PRKCA: variants seen among roughly 807,000 people sequenced by gnomAD.
PRKCA encodes the protein protein kinase C alpha.
In PRKCA, 27 loss-of-function variants were observed where a neutral mutation model predicts 87.0. The ratio of observed to expected loss-of-function variants is 0.31; its 90% CI spans 0.23 to 0.43. The LOEUF (loss-of-function observed/expected upper bound fraction) is 0.43. PRKCA is among the 20% of genes least tolerant of loss of function. PRKCA has a pLI of 1.00. For missense variants in PRKCA, 518 were observed against 852.3 expected (o/e 0.61, Z 4.88); for synonymous variants, 329 against 311.1 (o/e 1.06, Z -0.61).
At chr17:66,679,174 CTTTTTT>C (rs10714678) in intron 5 of PRKCA, among the ~76,000 whole-genome samples, 3 of 121,054 alleles carry the variant, frequency 2.5e-5, no homozygotes, top group African/African-American at 9.5e-5. Context: ...ACACTCACAC[CTTTTTT>C]TTTTTTTTTT....
intron 3 of PRKCA, among the ~76,000 whole-genome samples, chr17:66,563,160 C>T (rs778087584): frequency 1.1e-4 from 16 of 152,092 alleles, no homozygotes; most frequent in Non-Finnish European, 2.2e-4. Context: ...TAGTGTGGTA[C>T]ATTTCTTACA....
chr17:66,336,646 TTATTAAACATTTGCCTATATAG>T (rs921005140), intron 2 of PRKCA, among the ~76,000 whole-genome samples: 1 of 131,980 alleles, frequency 7.6e-6, no homozygotes, highest in African/African-American at 4.0e-5. Flanking sequence ...ATATAGTAAA[TTATTAAACATTTGCCTATATAG>T]TAAATTATTA....
chr17:66,753,208 A>T (rs1974475223), intron 13 of PRKCA, among the ~76,000 whole-genome samples: 1 of 152,046 alleles, frequency 6.6e-6, no homozygotes, highest in Non-Finnish European at 1.5e-5. Context: ...GGCTCTCCTT[A>T]TAGGGTTAGA....
At chr17:66,484,063 G>A (rs1005926349) in intron 2 of PRKCA, among the ~76,000 whole-genome samples, 7 of 152,170 alleles carry the variant, frequency 4.6e-5, no homozygotes, top group Non-Finnish European at 1.0e-4. Flanking sequence ...GGCAGAAGGT[G>A]AAAGTCTCGC....
At chr17:66,655,172 A>T (rs1005637571) in intron 5 of PRKCA, among the ~76,000 whole-genome samples, 13 of 152,212 alleles carry the variant, frequency 8.5e-5, no homozygotes, top group Admixed American at 6.5e-4. Context: ...ACATTATCCC[A>T]TTCAAATGCG....
intron 2 of PRKCA, among the ~76,000 whole-genome samples, chr17:66,326,600 C>T (rs564442051): frequency 2.0e-5 from 3 of 152,292 alleles, no homozygotes; most frequent in African/African-American, 2.4e-5. Context: ...CTGCTAGGAG[C>T]GCAGACAACT....
intron 14 of PRKCA, among the ~76,000 whole-genome samples, chr17:66,783,862 T>C (rs8068211): frequency 0.078 from 11,865 of 152,232 alleles, 549 homozygotes; most frequent in African/African-American, 0.12. Flanking sequence ...GATTGAATCT[T>C]GCTGGCGCCT....
rs896822313 is a variant in PRKCA at position 66,803,661 on chromosome 17, G to A, written c.1855-212G>A. Reference sequence around the variant, plus strand: ...CAATTCCCACCCAGGGCTTCTGTTCGGGGTGTTTCAGGGTTTACAGTTGGG... The same window carrying A: ...CAATTCCCACCCAGGGCTTCTGTTCAGGGTGTTTCAGGGTTTACAGTTGGG... On this transcript the variant is annotated intron_variant, in intron 16 of 16. Coordinates refer to ENST00000413366, the MANE Select transcript of PRKCA (RefSeq NM_002737.3). This position sits in a 1 kb window ranked among gnomAD's most constrained non-coding sequence, Gnocchi z 4.4. Among the ~76,000 whole-genome samples, 3 of 152,134 alleles carry A rather than the reference G, an allele frequency of 2.0e-5. No homozygotes were observed. The highest frequency in any genetic ancestry group is 4.4e-5 in the Non-Finnish European group (3 of 68,028).
At chr17:66,693,473 CT>C (rs1598878587) in intron 8 of PRKCA, among the ~76,000 whole-genome samples, 1 of 152,194 alleles carries the variant, frequency 6.6e-6, no homozygotes, top group African/African-American at 2.4e-5. Flanking sequence ...TCTATGGGCC[CT>C]GCTGCAAAAA....
intron 3 of PRKCA, among the ~76,000 whole-genome samples, chr17:66,582,125 C>T (rs1969460015): frequency 6.6e-6 from 1 of 152,160 alleles, no homozygotes; most frequent in South Asian, 2.1e-4. Flanking sequence ...CTACTGAGGT[C>T]TTGTATACAC....
At chr17:66,788,253 A>G (rs9896328) in intron 15 of PRKCA, among the ~76,000 whole-genome samples, 26,270 of 152,182 alleles carry the variant, frequency 0.17, 3,775 homozygotes, top group African/African-American at 0.39. Context: ...AGATACTGAG[A>G]TCGGGAGGAA....
intron 4 of PRKCA, 54 bp downstream of exon 4, chr17:66,641,520 G>A: frequency 7.5e-7 from 1 of 1,336,562 alleles, no homozygotes. Context: ...TCATGCTCAG[G>A]GTTTGCTGAG....
chr17:66,417,780 T>C (rs1912241664), intron 2 of PRKCA, among the ~76,000 whole-genome samples: 1 of 152,150 alleles, frequency 6.6e-6, no homozygotes, highest in Non-Finnish European at 1.5e-5. Context: ...GTTATTCCTC[T>C]GTTGAAATCC....
intron 3 of PRKCA, among the ~76,000 whole-genome samples, chr17:66,582,688 C>T (rs116199086): frequency 0.015 from 2,359 of 152,218 alleles, 59 homozygotes; most frequent in African/African-American, 0.054. Flanking sequence ...AGCAGACTAA[C>T]ACAGGATTCT....
chr17:66,390,678 A>G (rs1910309328), intron 2 of PRKCA, among the ~76,000 whole-genome samples: 1 of 152,186 alleles, frequency 6.6e-6, no homozygotes, highest in Admixed American at 6.5e-5. Flanking sequence ...CTTTTTAATT[A>G]TGTGACCCCC....
chr17:66,544,741 C>A (rs917831638), intron 3 of PRKCA, among the ~76,000 whole-genome samples: 2 of 151,828 alleles, frequency 1.3e-5, no homozygotes, highest in Non-Finnish European at 2.9e-5. Flanking sequence ...TACAGGCATG[C>A]GCCACCATGC....
chr17:66,440,621 G>A (rs539967828), intron 2 of PRKCA, among the ~76,000 whole-genome samples: 1 of 152,244 alleles, frequency 6.6e-6, no homozygotes, highest in African/African-American at 2.4e-5. Flanking sequence ...CAACCGGGGT[G>A]TTACCTAGTC....
At chr17:66,415,180 G>T (rs992722919) in intron 2 of PRKCA, 2 of 151,978 alleles carry the variant, frequency 1.3e-5, no homozygotes, top group Admixed American at 6.6e-5. Flanking sequence ...GATAATCTCT[G>T]CTGACTTTAA....
At chr17:66,479,929 A>G (rs1915703445) in intron 2 of PRKCA, among the ~76,000 whole-genome samples, 1 of 149,050 alleles carries the variant, frequency 6.7e-6, no homozygotes, top group African/African-American at 2.6e-5. Context: ...CTGGGTGTTG[A>G]AACAATCTGT....
Sources: gnomAD v4.1 joint callset for allele counts (sites outside exome capture counted in the v4.1 genomes callset) on GRCh38, gnomAD v4.1.1 for gene constraint, Gnocchi (gnomAD v3.1) non-coding constraint, MANE v1.5 for transcripts, NCBI Gene and HGNC (gene_info 2026-07-23, HGNC 2026-07-21) for gene names.